Variants in DHX36 observed in about 807,000 individuals in gnomAD.
DHX36 encodes ATP-dependent DNA/RNA helicase DHX36.
A neutral mutation model predicts 139.0 loss-of-function variants in DHX36; 50 were observed. That is an observed-to-expected ratio of 0.36 (90% CI 0.29 to 0.46). DHX36 has a LOEUF of 0.46. Ranked by LOEUF, DHX36 falls within the 20% of genes least tolerant of loss-of-function variation. DHX36 has a pLI of 1.00. For missense variants in DHX36, 1,024 were observed against 1,211.3 expected (o/e 0.85, Z 2.29); for synonymous variants, 425 against 401.9 (o/e 1.06, Z -0.69).
intron 1 of DHX36, among the ~76,000 whole-genome samples, chr3:154,316,654 T>G (rs1712994880): frequency 6.6e-6 from 1 of 152,052 alleles, no homozygotes; most frequent in African/African-American, 2.4e-5. Flanking sequence ...ATAAAATTCA[T>G]CAGTGCTTAT....
At chr3:154,319,604 C>T (rs1040412216) in intron 1 of DHX36, among the ~76,000 whole-genome samples, 1 of 152,150 alleles carries the variant, frequency 6.6e-6, no homozygotes, top group Non-Finnish European at 1.5e-5. Context: ...CTTTCATGTC[C>T]TCAGGGCCAC....
Position 154,284,927 on chromosome 3 carries a change from C to G in DHX36, c.2092G>C (p.Val698Leu). 1 of 1,614,118 alleles carries G rather than the reference C, an allele frequency of 6.2e-7. No individual in the cohort carries two copies. ...ATCATTTTTCCAATATGTGGCTCAA[C>G]GGGTAATCGTGCCAAGTGGACTCCA... is the stretch of plus-strand genomic sequence containing the variant. ...PLGVHLARLPVEPHIGKMILF... is the reference protein window; with the variant it reads ...PLGVHLARLPLEPHIGKMILF... The change falls in exon 18 of 25, where the codon GTT becomes CTT. Residue 698 changes from valine to leucine, a missense_variant. Transcript: ENST00000496811.
chr3:154,310,834 T>TATATATATATATATGTATATAC (rs1559957807), intron 4 of DHX36, among the ~76,000 whole-genome samples: 50 of 73,082 alleles, frequency 6.8e-4, no homozygotes, highest in African/African-American at 2.5e-3. Flanking sequence ...TATATATATA[T>TATATATATATATATGTATATAC]ATATATATAT....
chr3:154,294,068 A>G (rs950319255), intron 13 of DHX36, among the ~76,000 whole-genome samples: 1 of 152,216 alleles, frequency 6.6e-6, no homozygotes, highest in African/African-American at 2.4e-5. Flanking sequence ...CCAATGAGGT[A>G]TCATTATTTA....
chr3:154,293,633 A>AT (rs1176488339), intron 14 of DHX36, 115 bp downstream of exon 14: 1 of 744,596 alleles, frequency 1.3e-6, no homozygotes, highest in Non-Finnish European at 2.1e-6. Context: ...AAAAGGTTTT[A>AT]TTTTTAATAA....
At chr3:154,323,104 T>G (rs530625683) in intron 1 of DHX36, among the ~76,000 whole-genome samples, 3 of 152,010 alleles carry the variant, frequency 2.0e-5, no homozygotes, top group South Asian at 2.1e-4. Context: ...GGAGGCCGAG[T>G]TGGGTGGATC....
chr3:154,300,695 A>G lies in DHX36; in HGVS notation c.1360T>C (p.Tyr454His). The G allele has an allele frequency of 6.2e-7, 1 of 1,604,682 alleles. No homozygotes were observed. The highest frequency in any genetic ancestry group is 8.5e-7 in the Non-Finnish European group (1 of 1,174,468). The change falls in exon 11 of 25, where the codon TAT becomes CAT. Residue 454 changes from tyrosine (Y) to histidine (H), a missense_variant and splice_region_variant. Tyr to His is a moderately conservative substitution (Grantham distance 83). Transcript: ENST00000496811. ...PDYVRELRRR[Y>H]SASTVDVIEM... is the part of the protein sequence containing the mutation. The stretch of plus-strand genomic sequence containing the variant: ...ATAACATCTACAGTACTTGCAGAAT[A>G]CCTATCAAAGTTAAACACAAAGTCA...
At chr3:154,315,559 C>T (rs769977908) in intron 2 of DHX36, among the ~76,000 whole-genome samples, 1 of 152,088 alleles carries the variant, frequency 6.6e-6, no homozygotes, top group African/African-American at 2.4e-5. Flanking sequence ...CGGTTACTTA[C>T]AGTGTTTCTC....
intron 6 of DHX36, chr3:154,305,374 T>C: frequency 2.1e-6 from 1 of 487,058 alleles, no homozygotes; most frequent in Non-Finnish European, 3.6e-6. Flanking sequence ...TTGTCATTGA[T>C]ATAATGTTAA....
At chr3:154,289,008 T>C (rs1711673197) in intron 16 of DHX36, 44 bp from the exon 17 acceptor site, 2 of 992,580 alleles carry the variant, frequency 2.0e-6, no homozygotes, top group Non-Finnish European at 1.4e-6. Context: ...ATAATATTAA[T>C]ATATTAGCAT....
intron 17 of DHX36, among the ~76,000 whole-genome samples, chr3:154,285,350 T>TA (rs1711512596): frequency 1.3e-5 from 2 of 152,288 alleles, no homozygotes; most frequent in African/African-American, 4.8e-5. Flanking sequence ...GCACACTCTC[T>TA]AGATTCTAGT....
At position 154,324,154 on chromosome 3, in the gene DHX36, A is replaced by C. The variant is rs775983568; in HGVS notation, c.243+20T>G. 6.2e-7 allele frequency: 1 copy of C among 1,602,846 alleles called. No individual in the cohort carries two copies. The highest frequency in any genetic ancestry group is 1.7e-5 in the Admixed American group (1 of 59,024). ...AAACCTGTGCTGCCTCATCCTCTCC[A>C]CTACTGAATCCGAGATTACCTCTTG... On this transcript the variant is annotated intron_variant, in intron 1 of 24. Coordinates refer to ENST00000496811, the MANE Select transcript of DHX36 (RefSeq NM_020865.3).
chr3:154,307,529 AATC>A (rs779368381), intron 5 of DHX36, among the ~76,000 whole-genome samples: 47 of 152,238 alleles, frequency 3.1e-4, no homozygotes, highest in South Asian at 8.3e-4. Context: ...CAACATCACT[AATC>A]ATCAGAGAAA....
intron 14 of DHX36, 138 bp downstream of exon 14, chr3:154,293,610 C>T (rs1349119577): frequency 1.0e-5 from 6 of 597,972 alleles, no homozygotes; most frequent in Non-Finnish European, 1.4e-5. Flanking sequence ...TAAAACTATG[C>T]TCACTGCCAT....
At chr3:154,287,140 CA>C (rs748497202) in intron 17 of DHX36, among the ~76,000 whole-genome samples, 1 of 152,048 alleles carries the variant, frequency 6.6e-6, no homozygotes, top group South Asian at 2.1e-4. Context: ...AGAACAAGGA[CA>C]AAAAGAGATG....
chr3:154,312,862 T>TATAA (rs1712818572), intron 3 of DHX36, among the ~76,000 whole-genome samples: 1 of 30,876 alleles, frequency 3.2e-5, no homozygotes, highest in African/African-American at 1.9e-4. Flanking sequence ...AATATATATA[T>TATAA]ATATATATAT....
chr3:154,285,587 C>G (rs1281571982), intron 17 of DHX36, among the ~76,000 whole-genome samples: 1 of 152,098 alleles, frequency 6.6e-6, no homozygotes, highest in African/African-American at 2.4e-5. Context: ...GTTGGGGCCT[C>G]TTTTCCTGGC....
Position 154,316,067 on chromosome 3 carries a change from T to A in DHX36, c.340A>T (p.Ile114Leu). 1 of 1,613,268 alleles carries A rather than the reference T, an allele frequency of 6.2e-7. No individual in the cohort carries two copies. Among genetic ancestry groups the A allele is most frequent in the African/African-American group, 1.3e-5 (1 of 75,006 alleles). ...AKNDKESEAQ[I>L]SWFAPEDHGY... ...TGATCCTCAGGAGCAAACCAGGATA[T>A]CTGTGCTTCTGACTCTTTATCATTC... The change falls in exon 2 of 25, where the codon ATA becomes TTA. Residue 114 changes from isoleucine (I) to leucine (L), a missense_variant. This residue lies in a region of DHX36 where 293 missense variants were observed against 274.4 expected (regional missense o/e 1.07). Transcript: ENST00000496811.
chr3:154,276,726 T>C, intron 24 of DHX36, 21 bp downstream of exon 24: 1 of 1,610,812 alleles, frequency 6.2e-7, no homozygotes, highest in African/African-American at 1.3e-5. Flanking sequence ...AGATTTAAGA[T>C]AATCACATAA....
Sources: allele counts gnomAD v4.1 joint callset (sites outside exome capture counted in the v4.1 genomes callset), GRCh38; gene constraint gnomAD v4.1.1; regional missense constraint gnomAD v4.1.1; transcripts MANE v1.5; gene names NCBI Gene and HGNC (gene_info 2026-07-23, HGNC 2026-07-21).